Variants in ZCWPW1 observed in about 807,000 individuals in gnomAD.
The protein encoded by ZCWPW1 is zinc finger CW-type and PWWP domain containing 1.
ZCWPW1 carries 56 observed loss-of-function variants against 81.3 expected under a neutral mutation model. That is an observed-to-expected ratio of 0.69 (90% CI 0.56 to 0.86). ZCWPW1 has a LOEUF of 0.86. ZCWPW1 is among the 40% of genes least tolerant of loss of function. The probability of loss-of-function intolerance (pLI) is 0.00; values close to 1 mark genes in which losing one functional copy is unlikely to be tolerated. For synonymous variants in ZCWPW1, 250 were observed against 273.7 expected (o/e 0.91, Z 0.86); for missense variants, 650 against 769.8 (o/e 0.84, Z 1.84).
intron 1 of ZCWPW1, among the ~76,000 whole-genome samples, chr7:100,426,909 TCTCC>T (rs1205385004): frequency 1.1e-4 from 3 of 28,364 alleles, no homozygotes; most frequent in East Asian, 1.5e-3. Flanking sequence ...TCTTCCTTCC[TCTCC>T]CTCCCTCCCT....
At chr7:100,420,518 G>A in intron 3 of ZCWPW1, 104 bp downstream of exon 3, 3 of 1,367,690 alleles carry the variant, frequency 2.2e-6, no homozygotes, top group South Asian at 1.2e-5. Context: ...GACCTGAGTG[G>A]GCACAGAATA....
intron 10 of ZCWPW1, 25 bp downstream of exon 10, chr7:100,408,514 C>T: frequency 6.2e-7 from 1 of 1,607,154 alleles, no homozygotes; most frequent in Non-Finnish European, 8.5e-7. Context: ...GTGAAGGATG[C>T]TCTGACTGTG....
At chr7:100,405,907 G>T (rs1228932007) in intron 12 of ZCWPW1, among the ~76,000 whole-genome samples, 1 of 152,196 alleles carries the variant, frequency 6.6e-6, no homozygotes, top group Non-Finnish European at 1.5e-5. Flanking sequence ...TTACAGGTGT[G>T]AGCCAGCACA....
chr7:100,419,638 T>C lies in ZCWPW1; in HGVS notation c.274A>G (p.Lys92Glu), dbSNP rs1795995416. The C allele has an allele frequency of 1.9e-6, 3 of 1,609,700 alleles. No individual in the cohort carries two copies. The African/African-American group carries it at 4.0e-5, about 22-fold the overall frequency. ...ACCACTATGACTGGTACCTTTTCTT[T>C]CTTCTCTGCTTGCTTGTTGATTTGT... Reference protein sequence around the residue: ...KAQINKQAEKKEKEKSSLTNA... With the variant: ...KAQINKQAEKEEKEKSSLTNA... Residue 92 changes from lysine to glutamate, a missense_variant, in exon 4 of 18, where the codon AAA becomes GAA. Transcript: ENST00000684423.
chr7:100,404,076 G>A (rs1289945397), intron 14 of ZCWPW1, 102 bp downstream of exon 14: 1 of 1,248,070 alleles, frequency 8.0e-7, no homozygotes, highest in African/African-American at 1.5e-5. Context: ...TCCAGAATTA[G>A]CCTGATGATA....
rs750559439 is a variant in ZCWPW1, at chr7:100,401,000, C to G, written c.*14G>C. ...CCAGAGAAGGGAGAAAAAGAGGGAG[C>G]AGAGGAGCACCAGCTACTTCCCAAA... On this transcript the variant is annotated 3_prime_UTR_variant, in exon 18 of 18. Coordinates refer to ENST00000684423, the MANE Select transcript of ZCWPW1 (RefSeq NM_001386010.1). 3 of 1,591,962 alleles carry G rather than the reference C, an allele frequency of 1.9e-6. No homozygotes were observed. The Admixed American group carries it at 5.1e-5, about 27-fold the overall frequency.
intron 11 of ZCWPW1, 53 bp from the exon 12 acceptor site, chr7:100,406,851 T>A: frequency 6.6e-7 from 1 of 1,519,790 alleles, no homozygotes; most frequent in Non-Finnish European, 9.1e-7. Context: ...CCTGCTTTTC[T>A]CCTCTAGCCA....
At chr7:100,419,281 T>A in intron 4 of ZCWPW1, 92 bp from the exon 5 acceptor site, 1 of 1,082,162 alleles carries the variant, frequency 9.2e-7, no homozygotes, top group Non-Finnish European at 1.4e-6. Context: ...GATGAGGCAG[T>A]AAGTTTATAA....
Position 100,407,267 on chromosome 7 carries a change from C to T in ZCWPW1, c.1029G>A (p.Gly343=), listed in dbSNP as rs1172476967. 1 of 1,613,832 alleles carries T rather than the reference C, an allele frequency of 6.2e-7. No homozygotes were observed. Among genetic ancestry groups the T allele is most frequent in the Non-Finnish European group, 8.5e-7 (1 of 1,179,938 alleles). ...GATGGGAAGTAAAAAGAAAATATTC[C>T]CCTAAGTCAGGATCAGATTCTATCA... is the stretch of plus-strand genomic sequence containing the variant. The part of the protein sequence containing the change: ...PGMIESDPDL[G]EYFLFTSHLD... Residue 343 remains glycine, a synonymous_variant, in exon 11 of 18, where the codon GGG becomes GGA. Transcript: ENST00000684423.
intron 5 of ZCWPW1, 26 bp downstream of exon 5, chr7:100,419,085 C>T (rs919965158): frequency 3.7e-6 from 6 of 1,602,028 alleles, no homozygotes; most frequent in Non-Finnish European, 5.1e-6. Context: ...TAACTGAAAC[C>T]CTTTTTCTCT....
At chr7:100,409,375 A>C in intron 9 of ZCWPW1, 53 bp downstream of exon 9, 3 of 1,398,704 alleles carry the variant, frequency 2.1e-6, no homozygotes, top group Non-Finnish European at 3.0e-6. Flanking sequence ...AGTGCAGAGA[A>C]AGAAAGGGAG....
chr7:100,428,617 G>A lies in ZCWPW1; in HGVS notation c.-186C>T, dbSNP rs747461725. On this transcript the variant is annotated 5_prime_UTR_variant, in exon 1 of 18. Coordinates refer to ENST00000684423, the MANE Select transcript of ZCWPW1 (RefSeq NM_001386010.1). ...ACCCCACTGTCACCCCTGCCGCCCT[G>A]TCCTCGGCCCAGCACTCCGCTGGCA... The A allele has an allele frequency of 6.6e-6, 1 of 152,426 alleles. No individual in the cohort carries two copies. Among genetic ancestry groups the A allele is most frequent in the Non-Finnish European group, 1.5e-5 (1 of 68,192 alleles). 9.4% of individuals were successfully genotyped at this position (152,426 alleles called of 1,614,324 possible).
chr7:100,406,672 C>T, intron 12 of ZCWPW1, 22 bp downstream of exon 12: 4 of 1,605,836 alleles, frequency 2.5e-6, no homozygotes, highest in Non-Finnish European at 3.4e-6. Context: ...TGTATCACAA[C>T]AGAACCCCAA....
Position 100,425,033 on chromosome 7 carries a change from A to G in ZCWPW1, c.-33T>C, listed in dbSNP as rs987362017. 6.6e-6 allele frequency: 1 copy of G among 152,198 alleles called. No homozygotes were observed. Among genetic ancestry groups the G allele is most frequent in the Non-Finnish European group, 1.5e-5 (1 of 68,036 alleles). 9.4% of individuals were successfully genotyped at this position (152,198 alleles called of 1,614,324 possible). A position where few individuals can be genotyped will look rare whatever the true frequency, so the allele number is the denominator to read the frequency against. ...GCTTTCAAACAAAAGCTCTAACCTGATCAGTAAAGAAGGGAAGGCCAGGAA... is the reference window on the plus strand; with the variant it reads ...GCTTTCAAACAAAAGCTCTAACCTGGTCAGTAAAGAAGGGAAGGCCAGGAA... On this transcript the variant is annotated 5_prime_UTR_variant, in exon 2 of 18. Transcript: ENST00000684423.
intron 13 of ZCWPW1, 73 bp downstream of exon 13, chr7:100,404,940 G>T: frequency 2.7e-6 from 4 of 1,499,752 alleles, no homozygotes; most frequent in Non-Finnish European, 1.8e-6. Flanking sequence ...AACCATCTTT[G>T]TCTGGACTGA....
chr7:100,412,368 A>G (rs1794343086), intron 8 of ZCWPW1, among the ~76,000 whole-genome samples: 1 of 152,134 alleles, frequency 6.6e-6, no homozygotes, highest in Admixed American at 6.5e-5. Context: ...GCTTCATCTT[A>G]TATTACAAAT....
intron 1 of ZCWPW1, among the ~76,000 whole-genome samples, chr7:100,426,514 T>G (rs991947276): frequency 4.5e-5 from 6 of 133,138 alleles, no homozygotes; most frequent in African/African-American, 1.7e-4. Context: ...AAAAAAAAAG[T>G]ATATTTCAAA....
At chr7:100,426,194 A>G (rs779923955) in intron 1 of ZCWPW1, among the ~76,000 whole-genome samples, 22 of 152,308 alleles carry the variant, frequency 1.4e-4, no homozygotes, top group Admixed American at 5.2e-4. Context: ...AAAAAGCGGT[A>G]TTTAAAGAGT....
rs1795370964 is a variant in ZCWPW1, at chr7:100,416,974, A to C, written c.479+92T>G. 8 of 1,007,216 alleles carry C rather than the reference A, an allele frequency of 7.9e-6. 1 individual carries two copies. The South Asian group carries it at 1.2e-4, about 15-fold the overall frequency. 62.4% of individuals were successfully genotyped at this position (1,007,216 alleles called of 1,614,324 possible). The stretch of plus-strand genomic sequence containing the variant: ...AAAAAAAAAAAAAAGAAATATGATA[A>C]ATGACCAGATAGACAGACAGATAGA... On this transcript the variant is annotated intron_variant, in intron 6 of 17. Coordinates refer to ENST00000684423, the MANE Select transcript of ZCWPW1 (RefSeq NM_001386010.1).
Sources: allele counts gnomAD v4.1 joint callset (sites outside exome capture counted in the v4.1 genomes callset), GRCh38; gene constraint gnomAD v4.1.1; transcripts MANE v1.5; gene names NCBI Gene and HGNC (gene_info 2026-07-23, HGNC 2026-07-21).